IMMP2L: variants seen among roughly 807,000 people sequenced by gnomAD.
IMMP2L encodes the protein mitochondrial inner membrane protease subunit 2.
In IMMP2L, 18 loss-of-function variants were observed where a neutral mutation model predicts 19.3. The ratio of observed to expected loss-of-function variants is 0.93; its 90% CI spans 0.64 to 1.38. The LOEUF (loss-of-function observed/expected upper bound fraction) is 1.38. Ranked by LOEUF, IMMP2L falls within the 40% of genes most tolerant of loss-of-function variation. IMMP2L has a pLI of 0.00. For missense variants in IMMP2L, 233 were observed against 218.2 expected (o/e 1.07, Z -0.43); for synonymous variants, 76 against 73.0 (o/e 1.04, Z -0.21).
intron 5 of IMMP2L, among the ~76,000 whole-genome samples, chr7:110,773,558 T>C (rs766006932): frequency 1.3e-5 from 2 of 152,100 alleles, no homozygotes; most frequent in Non-Finnish European, 2.9e-5. Flanking sequence ...TGGCAACATA[T>C]GAGTATAGCT....
chr7:110,942,231 C>T (rs1467272551), intron 4 of IMMP2L, among the ~76,000 whole-genome samples: 2 of 151,810 alleles, frequency 1.3e-5, no homozygotes, highest in East Asian at 3.9e-4. Flanking sequence ...TTATAATTTT[C>T]CAACTGACTG....
chr7:111,207,476 T>C (rs1810831679), intron 3 of IMMP2L, among the ~76,000 whole-genome samples: 1 of 151,998 alleles, frequency 6.6e-6, no homozygotes, highest in African/African-American at 2.4e-5. Flanking sequence ...AAACCACCAA[T>C]TAATTCCTAG....
At chr7:110,699,763 C>CAAAAAAA (rs55970868) in intron 5 of IMMP2L, among the ~76,000 whole-genome samples, 1 of 137,972 alleles carries the variant, frequency 7.2e-6, no homozygotes, top group African/African-American at 2.7e-5. Context: ...GACTCTACCT[C>CAAAAAAA]AAAAAAAAAA....
intron 5 of IMMP2L, among the ~76,000 whole-genome samples, chr7:110,842,945 T>C (rs548859856): frequency 1.8e-4 from 27 of 152,274 alleles, no homozygotes; most frequent in African/African-American, 6.5e-4. Context: ...TTGGGCAATT[T>C]AAGATGTCTT....
intron 5 of IMMP2L, among the ~76,000 whole-genome samples, chr7:110,691,376 C>T (rs1014602055): frequency 2.7e-4 from 41 of 151,996 alleles, no homozygotes; most frequent in African/African-American, 9.9e-4. Context: ...TAGAAGAAAA[C>T]CCAGGAAAAA....
intron 3 of IMMP2L, among the ~76,000 whole-genome samples, chr7:110,991,907 C>T (rs918044146): frequency 6.6e-5 from 10 of 152,152 alleles, no homozygotes; most frequent in African/African-American, 2.2e-4. Flanking sequence ...CTCCTCTTTG[C>T]TTTCACTTAG....
intron 3 of IMMP2L, among the ~76,000 whole-genome samples, chr7:111,334,258 C>T (rs1826173305): frequency 6.6e-6 from 1 of 151,862 alleles, no homozygotes; most frequent in African/African-American, 2.4e-5. Context: ...TACAAATCTA[C>T]TCTCTGTGTT....
chr7:110,846,357 T>TG (rs1407535697), intron 5 of IMMP2L, among the ~76,000 whole-genome samples: 31 of 127,082 alleles, frequency 2.4e-4, no homozygotes, highest in African/African-American at 6.4e-4. Context: ...TCTTTTTTTT[T>TG]TTTTTTTTTT....
At chr7:111,209,305 G>C (rs1327622557) in intron 3 of IMMP2L, among the ~76,000 whole-genome samples, 2 of 150,106 alleles carry the variant, frequency 1.3e-5, no homozygotes, top group African/African-American at 4.9e-5. Context: ...GCTGAGGCAG[G>C]AGAATCGCTT....
chr7:111,031,407 T>TGTGTGTGTCTGTGTAA (rs147571783), intron 3 of IMMP2L, among the ~76,000 whole-genome samples: 1 of 147,102 alleles, frequency 6.8e-6, no homozygotes, highest in Non-Finnish European at 1.5e-5. Context: ...TGTGTGTGTG[T>TGTGTGTGTCTGTGTAA]GAGAGAAAGA....
In IMMP2L at chr7:111,363,959, G is replaced by A. The variant is rs564225798; in HGVS notation, c.239+123279C>T. 1.1e-4 allele frequency among the ~76,000 whole-genome samples: 17 copies of A among 151,938 alleles called. No individual in the cohort carries two copies. The South Asian group carries it at 2.1e-3, about 19-fold the overall frequency. On this transcript the variant is annotated intron_variant, in intron 3 of 5. Transcript: ENST00000405709. ...GATTATCACCTGTGCCTAAAGGTTC[G>A]ATTCAGTAATCTTCTTTTCCAGAAA... is the stretch of plus-strand genomic sequence containing the variant.
chr7:111,013,710 G>C (rs757033540), intron 3 of IMMP2L, among the ~76,000 whole-genome samples: 1 of 152,148 alleles, frequency 6.6e-6, no homozygotes, highest in Non-Finnish European at 1.5e-5. Flanking sequence ...CAGTGAAGTA[G>C]AATGATTCCC....
At chr7:110,792,729 T>TGTACATTCTAGGG (rs1800550361) in intron 5 of IMMP2L, among the ~76,000 whole-genome samples, 1 of 152,120 alleles carries the variant, frequency 6.6e-6, no homozygotes, top group Non-Finnish European at 1.5e-5. Flanking sequence ...CTCTTAATGT[T>TGTACATTCTAGGG]GTACATTCTA....
chr7:111,484,498 C>A lies in IMMP2L; in HGVS notation c.239+2740G>T, dbSNP rs185004517. Among the ~76,000 whole-genome samples the A allele has an allele frequency of 4.0e-3, 615 of 152,074 alleles. 14 individuals are homozygous for A. Among genetic ancestry groups the A allele is most frequent in the Non-Finnish European group, 2.8e-4 (19 of 67,962 alleles). ...TAATATCAATTTCTAAACAAAATTA[C>A]GAAGTGTATTTTATCATCAGCTTTA... On this transcript the variant is annotated intron_variant, in intron 3 of 5. Transcript: ENST00000405709.
chr7:111,450,385 A>G (rs1207778960), intron 3 of IMMP2L, among the ~76,000 whole-genome samples: 1 of 152,110 alleles, frequency 6.6e-6, no homozygotes, highest in East Asian at 1.9e-4. Flanking sequence ...GGAACAGAAC[A>G]GAGCCCTCAA....
chr7:111,514,285 A>G lies in IMMP2L; in HGVS notation c.135+7028T>C, dbSNP rs539190404. 1.9e-3 allele frequency among the ~76,000 whole-genome samples: 295 copies of G among 152,214 alleles called. 5 individuals carry two copies. The highest frequency in any genetic ancestry group is 6.8e-3 in the African/African-American group (284 of 41,550). The stretch of plus-strand genomic sequence containing the variant: ...GTCTACACATATCAAAATATCATGT[A>G]TACTGTTCTCACTCACAGGTGGGAA... On this transcript the variant is annotated intron_variant, in intron 2 of 5. Coordinates refer to ENST00000405709, the MANE Select transcript of IMMP2L (RefSeq NM_032549.4).
At chr7:111,118,865 C>T (rs1800231378) in intron 3 of IMMP2L, among the ~76,000 whole-genome samples, 1 of 152,078 alleles carries the variant, frequency 6.6e-6, no homozygotes, top group African/African-American at 2.4e-5. Context: ...ATATGCTCAC[C>T]ACTATAAACA....
At chr7:111,237,295 T>G (rs1562956935) in intron 3 of IMMP2L, among the ~76,000 whole-genome samples, 2 of 152,116 alleles carry the variant, frequency 1.3e-5, no homozygotes, top group South Asian at 4.1e-4. Flanking sequence ...TACTGAGTAA[T>G]TAATTCAATT....
chr7:111,000,010 C>G (rs987537812), intron 3 of IMMP2L, among the ~76,000 whole-genome samples: 1 of 152,162 alleles, frequency 6.6e-6, no homozygotes, highest in African/African-American at 2.4e-5. Context: ...AATATCCACA[C>G]TAAAAGCCTG....
Sources: allele counts gnomAD v4.1 joint callset (sites outside exome capture counted in the v4.1 genomes callset), GRCh38; gene constraint gnomAD v4.1.1; transcripts MANE v1.5; gene names NCBI Gene and HGNC (gene_info 2026-07-23, HGNC 2026-07-21).